MAPK14: variants seen among roughly 807,000 people sequenced by gnomAD.
MAPK14 encodes the protein mitogen-activated protein kinase 14.
In MAPK14, 16 loss-of-function variants were observed where a neutral mutation model predicts 49.6. The ratio of observed to expected loss-of-function variants is 0.32; its 90% CI spans 0.22 to 0.49. The LOEUF (loss-of-function observed/expected upper bound fraction) is 0.49. MAPK14 is among the 20% of genes least tolerant of loss of function. The pLI, the probability that MAPK14 is intolerant of heterozygous loss-of-function variation, is 0.99. For synonymous variants in MAPK14, 142 were observed against 158.0 expected (o/e 0.90, Z 0.76); for missense variants, 200 against 441.2 (o/e 0.45, Z 4.90).
intron 1 of MAPK14, among the ~76,000 whole-genome samples, chr6:36,033,672 C>T (rs918397511): frequency 1.3e-5 from 2 of 152,122 alleles, no homozygotes; most frequent in East Asian, 3.9e-4. Context: ...TCAGTTCTGC[C>T]AGTTTGATTT....
intron 8 of MAPK14, 46 bp downstream of exon 8, chr6:36,076,654 A>G (rs756058350): frequency 2.1e-6 from 3 of 1,434,264 alleles, no homozygotes; most frequent in South Asian, 1.1e-5. Context: ...TCTGTATTCC[A>G]GTGTCCATGG....
intron 8 of MAPK14, among the ~76,000 whole-genome samples, chr6:36,082,147 A>C (rs529059701): frequency 5.8e-4 from 88 of 152,186 alleles, no homozygotes; most frequent in Non-Finnish European, 9.4e-4. Context: ...TTTTCTATGT[A>C]TAGGGTTATG....
At chr6:36,111,512 T>A (rs1765971704), downstream of MAPK14, among the ~76,000 whole-genome samples, 1 of 152,222 alleles carries the variant, frequency 6.6e-6, no homozygotes, top group South Asian at 2.1e-4. Flanking sequence ...TATATATAGG[T>A]GTACATTGTT....
intron 1 of MAPK14, among the ~76,000 whole-genome samples, chr6:36,044,175 C>T (rs1425003668): frequency 6.6e-6 from 1 of 152,120 alleles, no homozygotes; most frequent in African/African-American, 2.4e-5. Context: ...AGTGTAACTA[C>T]AGATTTCAAT....
At chr6:36,042,476 C>CTTTTTTTTTTTTTTTTT (rs113286534) in intron 1 of MAPK14, among the ~76,000 whole-genome samples, 1 of 102,686 alleles carries the variant, frequency 9.7e-6, no homozygotes, top group Non-Finnish European at 2.0e-5. Context: ...GAAGGAATAT[C>CTTTTTTTTTTTTTTTTT]TTTTTTTTTT....
chr6:36,089,682 A>G (rs1562142906), intron 8 of MAPK14, among the ~76,000 whole-genome samples: 1 of 152,210 alleles, frequency 6.6e-6, no homozygotes, highest in Non-Finnish European at 1.5e-5. Context: ...TTTTTAAAGA[A>G]TGAAGCCCTT....
At chr6:36,095,758 G>A (rs1765420783) in intron 8 of MAPK14, among the ~76,000 whole-genome samples, 1 of 152,088 alleles carries the variant, frequency 6.6e-6, no homozygotes, top group South Asian at 2.1e-4. Context: ...AATATAAAGT[G>A]GATATGTGTT....
At chr6:36,099,140 A>G (rs530980419) in intron 9 of MAPK14, among the ~76,000 whole-genome samples, 4 of 152,236 alleles carry the variant, frequency 2.6e-5, no homozygotes, top group Non-Finnish European at 5.9e-5. Context: ...AAAGCCATGA[A>G]GTAAAATTGC....
chr6:36,083,463 G>C (rs751692989), intron 8 of MAPK14, among the ~76,000 whole-genome samples: 19 of 152,338 alleles, frequency 1.2e-4, no homozygotes, highest in Admixed American at 5.2e-4. Context: ...TTCCTTGGGG[G>C]AGGGGTTGCT....
intron 1 of MAPK14, among the ~76,000 whole-genome samples, chr6:36,029,596 T>G (rs1320118617): frequency 6.6e-6 from 1 of 152,266 alleles, no homozygotes; most frequent in Non-Finnish European, 1.5e-5. Context: ...TCCAGGCTTT[T>G]GGATGTGTTA....
intron 1 of MAPK14, among the ~76,000 whole-genome samples, chr6:36,040,510 A>G (rs1287786388): frequency 6.6e-6 from 1 of 152,212 alleles, no homozygotes; most frequent in East Asian, 1.9e-4. Flanking sequence ...TGTTATTTCT[A>G]GGAGAGTAAC....
intron 3 of MAPK14, among the ~76,000 whole-genome samples, chr6:36,067,244 A>G (rs1764096494): frequency 6.6e-6 from 1 of 152,184 alleles, no homozygotes; most frequent in Non-Finnish European, 1.5e-5. Flanking sequence ...TTCAAGGCCT[A>G]GCTTAGAGTT....
chr6:36,071,467 A>G (rs560656771), intron 3 of MAPK14, among the ~76,000 whole-genome samples: 2 of 152,266 alleles, frequency 1.3e-5, no homozygotes, highest in South Asian at 4.1e-4. Context: ...CTTGAATGTA[A>G]TCATTCCCTA....
intron 3 of MAPK14, among the ~76,000 whole-genome samples, chr6:36,070,516 G>A (rs2127438434): frequency 6.6e-6 from 1 of 152,228 alleles, no homozygotes; most frequent in East Asian, 1.9e-4. Context: ...CACAGAATAA[G>A]TGCTAGTTAG....
intron 1 of MAPK14, among the ~76,000 whole-genome samples, chr6:36,039,611 CT>C (rs1379383800): frequency 5.9e-5 from 9 of 152,052 alleles, no homozygotes; most frequent in Admixed American, 1.3e-4. Flanking sequence ...CAGTTTTGTT[CT>C]TTGTTTTCGT....
chr6:36,062,409 A>G lies in MAPK14; in HGVS notation c.305+3062A>G, dbSNP rs191575719. 2.3e-3 allele frequency among the ~76,000 whole-genome samples: 343 copies of G among 152,330 alleles called. 5 individuals are homozygous for G. Among genetic ancestry groups the G allele is most frequent in the East Asian group, 2.5e-3 (13 of 5,194 alleles). On this transcript the variant is annotated intron_variant, in intron 3 of 11. Coordinates refer to ENST00000229794, the MANE Select transcript of MAPK14 (RefSeq NM_139012.3). Reference sequence around the variant, plus strand: ...CATAAATGAGGTTCAGTGTTACACAATTGGGAGTGGTGGGGTCTGTGGCAA... The same window carrying G: ...CATAAATGAGGTTCAGTGTTACACAGTTGGGAGTGGTGGGGTCTGTGGCAA...
In MAPK14 at chr6:36,108,453, T is replaced by C; in HGVS notation, c.*6T>C. On this transcript the variant is annotated 3_prime_UTR_variant, in exon 12 of 12. Transcript: ENST00000229794. ...AAGAAGAGATGGAGTCCTGAGCACCTGGTTTCTGTTCTGTTGATCCCACTT... is the reference window on the plus strand; with the variant it reads ...AAGAAGAGATGGAGTCCTGAGCACCCGGTTTCTGTTCTGTTGATCCCACTT... 6.2e-7 allele frequency: 1 copy of C among 1,612,248 alleles called. No individual in the cohort carries two copies. Among genetic ancestry groups the C allele is most frequent in the Non-Finnish European group, 8.5e-7 (1 of 1,178,258 alleles).
At chr6:36,080,461 T>C (rs78371171) in intron 8 of MAPK14, among the ~76,000 whole-genome samples, 2,657 of 152,338 alleles carry the variant, frequency 0.017, 78 homozygotes, top group African/African-American at 0.06. Context: ...TATTATACTG[T>C]ATTTGTCCTT....
chr6:36,075,174 C>T (rs1354440769), intron 6 of MAPK14, among the ~76,000 whole-genome samples: 3 of 140,758 alleles, frequency 2.1e-5, no homozygotes, highest in South Asian at 2.2e-4. Context: ...TGCAGTGCGC[C>T]GAGATAGTGC....
Sources: allele counts gnomAD v4.1 joint callset (sites outside exome capture counted in the v4.1 genomes callset), GRCh38; gene constraint gnomAD v4.1.1; transcripts MANE v1.5; gene names NCBI Gene and HGNC (gene_info 2026-07-23, HGNC 2026-07-21).